DGUOK: variants seen among roughly 807,000 people sequenced by gnomAD.
The protein encoded by DGUOK is deoxyguanosine kinase.
A neutral mutation model predicts 36.6 loss-of-function variants in DGUOK; 30 were observed. The observed-to-expected ratio is 0.82, with a 90% CI of 0.61 to 1.11. The LOEUF is 1.11. Among genes scored for constraint, DGUOK ranks in the 50% most tolerant of loss-of-function variants. DGUOK has a pLI of 0.00. For synonymous variants in DGUOK, 145 were observed against 126.3 expected, an observed-to-expected ratio of 1.15 and a Z score of -0.99; for missense variants, 361 against 336.4, an observed-to-expected ratio of 1.07 and a Z score of -0.57.
At chr2:73,951,438 G>GATTCTGAGT (rs1347591711) in intron 4 of DGUOK, among the ~76,000 whole-genome samples, 2 of 151,632 alleles carry the variant, frequency 1.3e-5, no homozygotes, top group African/African-American at 4.9e-5. Context: ...TCTGGAGTGG[G>GATTCTGAGT]ATTCTGAGTC....
At chr2:73,940,863 T>A (rs938230214) in intron 2 of DGUOK, among the ~76,000 whole-genome samples, 1 of 152,212 alleles carries the variant, frequency 6.6e-6, no homozygotes, top group Non-Finnish European at 1.5e-5. Flanking sequence ...GTGAGTACAT[T>A]TTCTGATGGT....
chr2:73,958,337 C>T, intron 6 of DGUOK, 92 bp downstream of exon 6: 1 of 977,320 alleles, frequency 1.0e-6, no homozygotes, highest in East Asian at 2.5e-5. Context: ...TATCATGGGT[C>T]TTGTGCTTTG....
chr2:73,935,063 G>A (rs1039002708), intron 1 of DGUOK, among the ~76,000 whole-genome samples: 2 of 145,674 alleles, frequency 1.4e-5, no homozygotes, highest in African/African-American at 5.0e-5. Context: ...GCAACAGCTA[G>A]ACTCTGTCTC....
At chr2:73,955,606 G>A (rs1683029894) in intron 4 of DGUOK, among the ~76,000 whole-genome samples, 1 of 152,186 alleles carries the variant, frequency 6.6e-6, no homozygotes, top group Admixed American at 6.5e-5. Context: ...CGGGCACGGT[G>A]GCTCACGCCT....
intron 1 of DGUOK, among the ~76,000 whole-genome samples, chr2:73,934,795 C>T (rs1269946577): frequency 2.0e-5 from 3 of 150,030 alleles, no homozygotes; most frequent in Admixed American, 6.7e-5. Flanking sequence ...AGCAGTGGCC[C>T]GGCGCAGTGG....
rs571667545 is a variant in DGUOK, at chr2:73,930,986, C to T, written c.142+3934C>T. ...AATTTCTTGTATTTTTTAGTAGAGA[C>T]GGGGTTTCACCATGTTAGCCAGGAT... On this transcript the variant is annotated intron_variant, in intron 1 of 6. Transcript: ENST00000264093. 7.3e-5 allele frequency among the ~76,000 whole-genome samples: 11 copies of T among 151,642 alleles called. No homozygotes were observed. The South Asian group carries it at 2.3e-3, about 32-fold the overall frequency.
chr2:73,934,748 C>G (rs1473345404), intron 1 of DGUOK, among the ~76,000 whole-genome samples: 1 of 120,550 alleles, frequency 8.3e-6, no homozygotes, highest in Admixed American at 9.2e-5. Context: ...GAGCAAGACT[C>G]TGTCTCAAAA....
intron 4 of DGUOK, among the ~76,000 whole-genome samples, chr2:73,951,438 G>T (rs1682697345): frequency 6.6e-6 from 1 of 151,632 alleles, no homozygotes. Flanking sequence ...TCTGGAGTGG[G>T]ATTCTGAGTC....
At chr2:73,951,667 T>G (rs1682715795) in intron 4 of DGUOK, among the ~76,000 whole-genome samples, 3 of 152,098 alleles carry the variant, frequency 2.0e-5, no homozygotes, top group Non-Finnish European at 4.4e-5. Context: ...AGAGCTCCCA[T>G]CACAGAGCCT....
intron 4 of DGUOK, among the ~76,000 whole-genome samples, chr2:73,953,089 G>A (rs147270113): frequency 4.6e-5 from 7 of 152,130 alleles, no homozygotes; most frequent in African/African-American, 7.2e-5. Flanking sequence ...CCAATCCCAC[G>A]AGAGTGAGAA....
At chr2:73,954,106 C>T (rs1220222837) in intron 4 of DGUOK, among the ~76,000 whole-genome samples, 1 of 152,042 alleles carries the variant, frequency 6.6e-6, no homozygotes, top group Non-Finnish European at 1.5e-5. Flanking sequence ...CTTTGGGAGA[C>T]CAAGGTGGGA....
chr2:73,945,132 T>G (rs1682201551), intron 2 of DGUOK, among the ~76,000 whole-genome samples: 1 of 152,242 alleles, frequency 6.6e-6, no homozygotes, highest in African/African-American at 2.4e-5. Flanking sequence ...TTGAATCTTT[T>G]TTCTCCTTCT....
intron 1 of DGUOK, among the ~76,000 whole-genome samples, chr2:73,934,022 C>G (rs2104881978): frequency 6.6e-6 from 1 of 151,970 alleles, no homozygotes; most frequent in Non-Finnish European, 1.5e-5. Flanking sequence ...TCATGTTTTT[C>G]ATCTTGTTCA....
intron 2 of DGUOK, among the ~76,000 whole-genome samples, chr2:73,940,999 C>T (rs146233433): frequency 7.4e-4 from 113 of 152,282 alleles, no homozygotes; most frequent in African/African-American, 2.6e-3. Context: ...GTAATTCTTG[C>T]CTTGAATGCA....
chr2:73,950,746 T>C lies in DGUOK; in HGVS notation c.591+14T>C. 6.2e-7 allele frequency: 1 copy of C among 1,614,208 alleles called. No homozygotes were observed. The highest frequency in any genetic ancestry group is 8.5e-7 in the Non-Finnish European group (1 of 1,180,024). ...GCTTCTCCCCAGGTAACACTGAACC[T>C]ACAACCTTAGACTTTAGGGCCATAT... On this transcript the variant is annotated intron_variant, in intron 4 of 6. Coordinates refer to ENST00000264093, the MANE Select transcript of DGUOK (RefSeq NM_080916.3).
At chr2:73,937,962 G>T (rs902652319) in intron 1 of DGUOK, among the ~76,000 whole-genome samples, 1 of 152,178 alleles carries the variant, frequency 6.6e-6, no homozygotes, top group Admixed American at 6.5e-5. Context: ...AAATGAGAAG[G>T]AGTCTTATAA....
At chr2:73,940,589 T>C (rs947016488) in intron 2 of DGUOK, among the ~76,000 whole-genome samples, 2 of 152,232 alleles carry the variant, frequency 1.3e-5, no homozygotes, top group South Asian at 2.1e-4. Context: ...ACAGGTCACC[T>C]GTGTGTATTT....
rs184770596 is a variant in DGUOK at position 73,938,978 on chromosome 2, C to G, written c.211C>G (p.Pro71Ala). 573 of 1,614,010 alleles carry G rather than the reference C, an allele frequency of 3.6e-4. 4 individuals are homozygous for G. The Admixed American group carries it at 4.1e-3, about 12-fold the overall frequency. Residue 71 changes from proline to alanine, a missense_variant, in exon 2 of 7, where the codon CCT (proline) becomes GCT (alanine). Pro to Ala is a conservative substitution (Grantham distance 27). Transcript: ENST00000264093. The stretch of plus-strand genomic sequence containing the variant: ...CCCAGAATGGCACGTAGCTACAGAA[C>G]CTGTAGCAACATGGCAGAATATCCA... ...TYPEWHVATE[P>A]VATWQNIQAA...
chr2:73,930,986 CGG>C (rs982348296), intron 1 of DGUOK, among the ~76,000 whole-genome samples: 1 of 151,524 alleles, frequency 6.6e-6, no homozygotes, highest in Non-Finnish European at 1.5e-5. Flanking sequence ...TTAGTAGAGA[CGG>C]GGTTTCACCA....
Sources: allele counts gnomAD v4.1 joint callset (sites outside exome capture counted in the v4.1 genomes callset), GRCh38; gene constraint gnomAD v4.1.1; transcripts MANE v1.5; gene names NCBI Gene and HGNC (gene_info 2026-07-23, HGNC 2026-07-21).